Variants in SAP130 observed in about 807,000 individuals in gnomAD.
The protein encoded by SAP130 is histone deacetylase complex subunit SAP130.
A neutral mutation model predicts 103.2 loss-of-function variants in SAP130; 16 were observed. The observed-to-expected ratio is 0.16, with a 90% CI of 0.10 to 0.24. The LOEUF is 0.24. SAP130 is among the 10% of genes least tolerant of loss of function. SAP130 has a pLI of 1.00. For synonymous variants in SAP130, 477 were observed against 497.0 expected (o/e 0.96, Z 0.53); for missense variants, 990 against 1,359.7 (o/e 0.73, Z 4.28).
At chr2:128,021,137 A>T (rs999210851) in intron 2 of SAP130, among the ~76,000 whole-genome samples, 1 of 152,164 alleles carries the variant, frequency 6.6e-6, no homozygotes, top group African/African-American at 2.4e-5. Flanking sequence ...AATTCCTAAA[A>T]GTACAAGTGC....
rs181502124 is a variant in SAP130, at chr2:128,002,591, T to C, written c.870-2137A>G. On this transcript the variant is annotated intron_variant, in intron 7 of 20. Coordinates refer to ENST00000643581, the MANE Select transcript of SAP130 (RefSeq NM_001330301.2). ...CAGGAAGACATGACTATCTTTACTATACTGAGTACCTCTGTCCCCAGAAAG... is the reference window on the plus strand; with the variant it reads ...CAGGAAGACATGACTATCTTTACTACACTGAGTACCTCTGTCCCCAGAAAG... Among the ~76,000 whole-genome samples, 293 of 152,160 alleles carry C rather than the reference T, an allele frequency of 1.9e-3. 3 individuals carry two copies. The highest frequency in any genetic ancestry group is 6.6e-3 in the African/African-American group (275 of 41,510).
chr2:127,985,447 A>C (rs1682309495), intron 14 of SAP130, among the ~76,000 whole-genome samples: 1 of 152,110 alleles, frequency 6.6e-6, no homozygotes, highest in South Asian at 2.1e-4. Context: ...GAGCCACAGA[A>C]ACTCTGCTCT....
chr2:127,972,021 G>C (rs1205404429), intron 15 of SAP130, among the ~76,000 whole-genome samples: 1 of 152,114 alleles, frequency 6.6e-6, no homozygotes. Flanking sequence ...GGGAGTGTGG[G>C]GGGTTTATTC....
chr2:127,941,810 A>C lies in SAP130; in HGVS notation c.*196T>G, dbSNP rs1258671913. 2 of 578,842 alleles carry C rather than the reference A, an allele frequency of 3.5e-6. No homozygotes were observed. The highest frequency in any genetic ancestry group is 1.9e-5 in the African/African-American group (1 of 51,718). 35.9% of individuals were successfully genotyped at this position (578,842 alleles called of 1,614,324 possible). A position where few individuals can be genotyped will look rare whatever the true frequency, so the allele number is the denominator to read the frequency against. On this transcript the variant is annotated 3_prime_UTR_variant, in exon 21 of 21. Coordinates refer to ENST00000643581, the MANE Select transcript of SAP130 (RefSeq NM_001330301.2). ...TTTAACAGGGGTGCACCCGAACGCA[A>C]GAAGGCAGCTCACTATGTCCAGTCA...
At chr2:127,944,429 T>C (rs1573611224) in intron 19 of SAP130, among the ~76,000 whole-genome samples, 1 of 68,408 alleles carries the variant, frequency 1.5e-5, no homozygotes, top group East Asian at 3.4e-4. Flanking sequence ...ACCCTGTCTC[T>C]ACAATTTTTT....
At chr2:127,977,481 C>CA (rs1359217014) in intron 15 of SAP130, among the ~76,000 whole-genome samples, 4 of 150,274 alleles carry the variant, frequency 2.7e-5, no homozygotes, top group African/African-American at 7.4e-5. Context: ...GCCTGGGCAA[C>CA]AGAGCAAAAC....
chr2:127,989,978 A>G lies in SAP130; in HGVS notation c.1478-112T>C. On this transcript the variant is annotated intron_variant, in intron 12 of 20. Transcript: ENST00000643581. This position sits in a 1 kb window ranked among gnomAD's most constrained non-coding sequence, Gnocchi z 4.6. ...CCTCCACTGTATAAGATCTAAATCC[A>G]TGGTTTGAAAAAAAATAAATAAATA... 1 of 930,470 alleles carries G rather than the reference A, an allele frequency of 1.1e-6. No individual in the cohort carries two copies. The allele number at this position is 930,470 out of a possible 1,614,324, so 57.6% of individuals were successfully genotyped here. A position where few individuals can be genotyped will look rare whatever the true frequency, so the allele number is the denominator to read the frequency against.
intron 1 of SAP130, chr2:128,027,452 A>T: frequency 9.1e-7 from 1 of 1,094,162 alleles, no homozygotes; most frequent in East Asian, 5.5e-5. Flanking sequence ...TGGCCGGGGC[A>T]GCCCAAACCC....
intron 7 of SAP130, 130 bp from the exon 8 acceptor site, chr2:128,000,584 T>C (rs761786821): frequency 2.5e-5 from 25 of 1,015,892 alleles, no homozygotes; most frequent in Non-Finnish European, 3.4e-5. Context: ...TGGTCTTTAA[T>C]CACACCAATG....
intron 1 of SAP130, among the ~76,000 whole-genome samples, chr2:128,027,609 A>G (rs2105280151): frequency 7.1e-6 from 1 of 140,850 alleles, no homozygotes; most frequent in Non-Finnish European, 1.6e-5. Flanking sequence ...CAGGAGCCAA[A>G]CTCCCTGGGC....
At chr2:128,020,283 T>C (rs1469719192) in intron 2 of SAP130, among the ~76,000 whole-genome samples, 3 of 152,244 alleles carry the variant, frequency 2.0e-5, no homozygotes, top group Non-Finnish European at 2.9e-5. Context: ...GAAAACATTA[T>C]TGGTCCCCCA....
chr2:128,015,057 G>C (rs1036463363), intron 4 of SAP130, 143 bp from the exon 5 acceptor site: 1 of 637,526 alleles, frequency 1.6e-6, no homozygotes. Context: ...CATTCAGCTT[G>C]AGCTACTTTT....
chr2:127,998,184 A>AT (rs1408937210), intron 10 of SAP130, among the ~76,000 whole-genome samples: 2 of 152,162 alleles, frequency 1.3e-5, no homozygotes, highest in African/African-American at 4.8e-5. Flanking sequence ...CACAGAAAAC[A>AT]TTAAGTCTGC....
chr2:128,005,111 A>G (rs918674271), intron 7 of SAP130, among the ~76,000 whole-genome samples: 21 of 152,236 alleles, frequency 1.4e-4, no homozygotes, highest in African/African-American at 5.1e-4. Context: ...CAAAGCAAAG[A>G]CATAAGAACT....
chr2:127,943,391 C>CAATT (rs1267688859), intron 19 of SAP130, among the ~76,000 whole-genome samples: 1 of 152,212 alleles, frequency 6.6e-6, no homozygotes, highest in African/African-American at 2.4e-5. Flanking sequence ...GTCACAAATA[C>CAATT]AGTCATGCTC....
At chr2:127,983,018 G>C (rs898672073) in intron 14 of SAP130, among the ~76,000 whole-genome samples, 1 of 152,154 alleles carries the variant, frequency 6.6e-6, no homozygotes, top group African/African-American at 2.4e-5. Flanking sequence ...GGAGGGTGGA[G>C]GCAGGAGAAG....
intron 1 of SAP130, chr2:128,027,006 G>T: frequency 8.0e-7 from 1 of 1,242,550 alleles, no homozygotes; most frequent in Non-Finnish European, 1.1e-6. Flanking sequence ...CAGACACCTC[G>T]GAGTGTGAGA....
intron 15 of SAP130, among the ~76,000 whole-genome samples, chr2:127,965,007 A>AAC (rs1384388622): frequency 1.4e-5 from 2 of 144,854 alleles, no homozygotes; most frequent in Non-Finnish European, 3.0e-5. Context: ...TCAAAAAAAA[A>AAC]AAAAACAGGC....
At chr2:127,947,443 T>G (rs1486840928) in intron 18 of SAP130, among the ~76,000 whole-genome samples, 1 of 152,236 alleles carries the variant, frequency 6.6e-6, no homozygotes, top group African/African-American at 2.4e-5. Context: ...AATATTTTAT[T>G]AATGCATTTT....
Sources: allele counts gnomAD v4.1 joint callset (sites outside exome capture counted in the v4.1 genomes callset), GRCh38; gene constraint gnomAD v4.1.1; non-coding constraint Gnocchi (gnomAD v3.1); transcripts MANE v1.5; gene names NCBI Gene and HGNC (gene_info 2026-07-23, HGNC 2026-07-21).